MCM3AP: variants seen among roughly 807,000 people sequenced by gnomAD.
MCM3AP encodes the protein minichromosome maintenance complex component 3 associated protein.
Under a neutral mutation model 184.1 loss-of-function variants are expected in MCM3AP, and 126 were observed. That is an observed-to-expected ratio of 0.68 (90% CI 0.59 to 0.79). The LOEUF (loss-of-function observed/expected upper bound fraction) is 0.79. Ranked by LOEUF, MCM3AP falls within the 30% of genes least tolerant of loss-of-function variation. The probability of loss-of-function intolerance (pLI) is 0.00; values close to 1 mark genes in which losing one functional copy is unlikely to be tolerated. For missense variants in MCM3AP, 2,496 were observed against 2,479.2 expected (o/e 1.01, Z -0.14); for synonymous variants, 1,002 against 979.3 (o/e 1.02, Z -0.43).
At position 46,265,934 on chromosome 21, in the gene MCM3AP, C is replaced by T. The variant is rs371433781; in HGVS notation, c.3022G>A (p.Asp1008Asn). The change falls in exon 11 of 28, where the codon GAC (aspartate) becomes AAC (asparagine). Residue 1008 changes from aspartate to asparagine, a missense_variant. This residue lies in a region of MCM3AP where 1,323 missense variants were observed against 1,273.4 expected (regional missense o/e 1.04). Transcript: ENST00000291688. Reference sequence around the variant, plus strand: ...CTGCAGCTTCACTCACCCACTGTGTCGGAGCCGGGTCTCTGGGTGCTGACG... The same window carrying T: ...CTGCAGCTTCACTCACCCACTGTGTTGGAGCCGGGTCTCTGGGTGCTGACG... ...LPVSTQRPGS[D>N]TVGGGRGEEC... 6.3e-6 allele frequency: 10 copies of T among 1,575,852 alleles called. No individual in the cohort carries two copies. The highest frequency in any genetic ancestry group is 4.0e-5 in the African/African-American group (3 of 74,392).
intron 2 of MCM3AP, among the ~76,000 whole-genome samples, 194 bp downstream of exon 2, chr21:46,283,420 AC>A (rs2081357855): frequency 6.6e-6 from 1 of 152,262 alleles, no homozygotes; most frequent in African/African-American, 2.4e-5. Context: ...TTTCTAGAGT[AC>A]TATATTCTGT....
At chr21:46,261,732 CAA>C (rs58763611) in intron 13 of MCM3AP, among the ~76,000 whole-genome samples, 39,560 of 110,630 alleles carry the variant, frequency 0.36, 5,553 homozygotes, top group Admixed American at 0.44. Flanking sequence ...GACTCTGTCT[CAA>C]AAAAAAAAAA....
intron 8 of MCM3AP, among the ~76,000 whole-genome samples, chr21:46,271,723 T>C (rs1266275735): frequency 6.6e-6 from 1 of 151,684 alleles, no homozygotes; most frequent in Non-Finnish European, 1.5e-5. Context: ...GAGGCGGGCA[T>C]GGTGGTATGT....
At position 46,240,953 on chromosome 21, in the gene MCM3AP, G is replaced by A. The variant is rs2298697; in HGVS notation, c.5491C>T (p.Arg1831Cys). 1.0e-3 allele frequency: 1,625 copies of A among 1,614,138 alleles called. 17 individuals are homozygous for A. The East Asian group carries it at 0.029, about 29-fold the overall frequency. The change falls in exon 26 of 28, where the codon CGT (arginine) becomes TGT (cysteine). Residue 1831 changes from arginine (R) to cysteine (C), a missense_variant. Around this residue, in one of 5 missense-constraint regions of MCM3AP, gnomAD observed 1,323 missense variants for 1,273.4 expected, o/e 1.04. Transcript: ENST00000291688. ...NFPIPLLHMH[R>C]NWKRSTECAQ... Reference sequence around the variant, plus strand: ...CACTCTGTGCTCCTCTTCCAGTTACGGTGCATGTGAAGCAATGGTATGGGA... The same window carrying A: ...CACTCTGTGCTCCTCTTCCAGTTACAGTGCATGTGAAGCAATGGTATGGGA...
chr21:46,248,300 C>G (rs893239776), intron 20 of MCM3AP, among the ~76,000 whole-genome samples: 1 of 152,126 alleles, frequency 6.6e-6, no homozygotes, highest in African/African-American at 2.4e-5. Flanking sequence ...GGGCCATGGT[C>G]AGGCACAGTG....
At position 46,285,510 on chromosome 21, in the gene MCM3AP, T is replaced by C. The variant is rs1569088055; in HGVS notation, c.-224A>G. 3.7e-6 allele frequency: 2 copies of C among 539,014 alleles called. No homozygotes were observed. The highest frequency in any genetic ancestry group is 6.5e-6 in the Non-Finnish European group (2 of 305,946). The allele number at this position is 539,014 out of a possible 1,614,324, so 33.4% of individuals were successfully genotyped here. ...TATTTCAAAGGCAGGCAAAGGGTTA[T>C]TATTTTCTGAGAGCCGATAGGTTAT... On this transcript the variant is annotated 5_prime_UTR_variant, in exon 1 of 28. Transcript: ENST00000291688.
chr21:46,246,003 C>T (rs2080759578), intron 22 of MCM3AP, among the ~76,000 whole-genome samples: 1 of 152,120 alleles, frequency 6.6e-6, no homozygotes, highest in Admixed American at 6.5e-5. Context: ...CAAATTTTAT[C>T]TTTTATTTTG....
rs906281031 is a variant in MCM3AP at position 46,240,805 on chromosome 21, C to T, written c.5633+6G>A. ...CACACATGAATTAGAAGGAAGTGGG[C>T]TTCACCTCTTGTTCTCTTCTTTCTC... On this transcript the variant is annotated splice_donor_region_variant and intron_variant, in intron 26 of 27. Coordinates refer to ENST00000291688, the MANE Select transcript of MCM3AP (RefSeq NM_003906.5). The T allele has an allele frequency of 6.2e-7, 1 of 1,613,094 alleles. No homozygotes were observed. The highest frequency in any genetic ancestry group is 1.1e-5 in the South Asian group (1 of 90,942).
intron 10 of MCM3AP, 131 bp downstream of exon 10, chr21:46,266,851 G>T: frequency 1.0e-6 from 1 of 972,868 alleles, no homozygotes; most frequent in Non-Finnish European, 1.5e-6. Context: ...TGAGTCTCGT[G>T]TGTTCACCTG....
intron 5 of MCM3AP, among the ~76,000 whole-genome samples, chr21:46,275,926 A>G (rs891589676): frequency 1.4e-4 from 22 of 152,334 alleles, no homozygotes; most frequent in African/African-American, 5.3e-4. Context: ...TTCACACTCA[A>G]AATATATACT....
intron 6 of MCM3AP, among the ~76,000 whole-genome samples, chr21:46,273,917 G>A (rs1047180528): frequency 2.0e-5 from 3 of 152,214 alleles, no homozygotes; most frequent in East Asian, 1.9e-4. Context: ...TCTCAGGCCC[G>A]CTCACACACC....
intron 23 of MCM3AP, among the ~76,000 whole-genome samples, chr21:46,244,055 T>A: frequency 6.6e-6 from 1 of 152,210 alleles, no homozygotes; most frequent in African/African-American, 2.4e-5. Context: ...AACCCCAACC[T>A]AACCAGAGCA....
chr21:46,261,516 C>CCT (rs2081041262), intron 13 of MCM3AP, 105 bp from the exon 14 acceptor site: 1 of 987,188 alleles, frequency 1.0e-6, no homozygotes, highest in Non-Finnish European at 1.5e-6. Flanking sequence ...GGGCGGATCA[C>CCT]AAGGTCAGAA....
At chr21:46,245,282 G>T in intron 22 of MCM3AP, 85 bp from the exon 23 acceptor site, 1 of 1,327,834 alleles carries the variant, frequency 7.5e-7, no homozygotes, top group Non-Finnish European at 1.0e-6. Flanking sequence ...CCCCAAGGTT[G>T]CCCACAGCAG....
At chr21:46,280,228 T>C in intron 3 of MCM3AP, 91 bp from the exon 4 acceptor site, 1 of 1,380,194 alleles carries the variant, frequency 7.2e-7, no homozygotes, top group Admixed American at 1.8e-5. Flanking sequence ...AGTAATATTA[T>C]TTTCATTGTC....
In MCM3AP at chr21:46,284,800, C is replaced by T; in HGVS notation, c.487G>A (p.Glu163Lys). The change falls in exon 1 of 28, where the codon GAG becomes AAG. Residue 163 changes from glutamate to lysine, a missense_variant. Coordinates refer to ENST00000291688, the MANE Select transcript of MCM3AP (RefSeq NM_003906.5). Reference sequence around the variant, plus strand: ...ATTTGGCTCTGGGTTTTCTCTGGCTCAGATTCAGCCCCCAGTATTGGTTTG... The same window carrying T: ...ATTTGGCTCTGGGTTTTCTCTGGCTTAGATTCAGCCCCCAGTATTGGTTTG... The part of the protein sequence containing the change: ...VFKPILGAES[E>K]PEKTQSQIAS... The T allele has an allele frequency of 6.2e-7, 1 of 1,613,680 alleles. No homozygotes were observed. Among genetic ancestry groups the T allele is most frequent in the Non-Finnish European group, 8.5e-7 (1 of 1,179,850 alleles).
At chr21:46,245,796 C>T (rs562120158) in intron 22 of MCM3AP, among the ~76,000 whole-genome samples, 1 of 152,126 alleles carries the variant, frequency 6.6e-6, no homozygotes, top group Non-Finnish European at 1.5e-5. Context: ...CCACCACGCC[C>T]AGCTTCAGAC....
chr21:46,255,307 G>A (rs1008860934), intron 17 of MCM3AP, among the ~76,000 whole-genome samples: 1 of 152,216 alleles, frequency 6.6e-6, no homozygotes. Context: ...GACCTGGTGT[G>A]TTTGGGGAGA....
chr21:46,280,982 T>C (rs1162023279), intron 2 of MCM3AP, among the ~76,000 whole-genome samples: 1 of 152,180 alleles, frequency 6.6e-6, no homozygotes. Flanking sequence ...TTTTTTGTAT[T>C]TGTAGTAGAG....
Sources: gnomAD v4.1 joint callset for allele counts (sites outside exome capture counted in the v4.1 genomes callset) on GRCh38, gnomAD v4.1.1 for gene constraint, gnomAD v4.1.1 regional missense constraint, MANE v1.5 for transcripts, NCBI Gene and HGNC (gene_info 2026-07-23, HGNC 2026-07-21) for gene names.